Variants in SLC29A4 observed in about 807,000 individuals in gnomAD.
SLC29A4 encodes the protein solute carrier family 29 member 4.
SLC29A4 carries 36 observed loss-of-function variants against 43.9 expected under a neutral mutation model. The observed-to-expected ratio is 0.82, with a 90% CI of 0.63 to 1.08. The LOEUF is 1.08. Ranked by LOEUF, SLC29A4 falls within the 50% of genes least tolerant of loss-of-function variation. SLC29A4 has a pLI of 0.00. For synonymous variants in SLC29A4, 491 were observed against 338.0 expected (o/e 1.45, Z -4.97); for missense variants, 869 against 755.3 (o/e 1.15, Z -1.77).
chr7:5,300,135 G>C (rs1437492900), intron 9 of SLC29A4, among the ~76,000 whole-genome samples: 2 of 152,216 alleles, frequency 1.3e-5, no homozygotes, highest in Admixed American at 1.3e-4. Context: ...GGGAGGCTGA[G>C]GTGGGAGGAT....
chr7:5,299,164 A>G, intron 8 of SLC29A4, 38 bp downstream of exon 8: 1 of 1,600,282 alleles, frequency 6.2e-7, no homozygotes, highest in Non-Finnish European at 8.5e-7. Flanking sequence ...TGGCTCTGGC[A>G]CCCAGGCAGG....
Position 5,305,351 on chromosome 7 carries a change from A to G in SLC29A4, c.*2412A>G. ...GCCCTCCATGGGTTACCCTCTTTGC[A>G]AAGCCCCGAATGTCCTCTGCAGGCC... On this transcript the variant is annotated 3_prime_UTR_variant, in exon 11 of 11. Transcript: ENST00000396872. The G allele has an allele frequency of 6.6e-6, 1 of 152,248 alleles. No homozygotes were observed. The highest frequency in any genetic ancestry group is 1.5e-5 in the Non-Finnish European group (1 of 68,046). The allele number at this position is 152,248 out of a possible 1,614,324, so 9.4% of individuals were successfully genotyped here.
intron 1 of SLC29A4, among the ~76,000 whole-genome samples, chr7:5,284,930 G>A (rs1191097252): frequency 1.3e-5 from 2 of 152,190 alleles, no homozygotes; most frequent in African/African-American, 4.8e-5. Flanking sequence ...GCACGTCCAG[G>A]GAAGCATCTT....
At position 5,299,578 on chromosome 7, in the gene SLC29A4, C is replaced by T. The variant is rs74644210; in HGVS notation, c.1209+151C>T. Reference sequence around the variant, plus strand: ...AGCTGTGCAGTGGCGCCATCCTGGACAGTGTCCTCTGGAGGGCGGCCCTGG... The same window carrying T: ...AGCTGTGCAGTGGCGCCATCCTGGATAGTGTCCTCTGGAGGGCGGCCCTGG... On this transcript the variant is annotated intron_variant, in intron 9 of 10. Transcript: ENST00000396872. 1.3e-3 allele frequency: 1,228 copies of T among 923,774 alleles called. 8 individuals carry two copies. The African/African-American group carries it at 0.018, about 13-fold the overall frequency. 57.2% of individuals were successfully genotyped at this position (923,774 alleles called of 1,614,324 possible).
chr7:5,294,630 C>T (rs964285318), intron 5 of SLC29A4, among the ~76,000 whole-genome samples: 2 of 152,134 alleles, frequency 1.3e-5, no homozygotes, highest in Non-Finnish European at 2.9e-5. Context: ...CCAGTAGTGA[C>T]GTGTCATTTC....
chr7:5,294,529 CT>C, intron 5 of SLC29A4, among the ~76,000 whole-genome samples: 1 of 152,110 alleles, frequency 6.6e-6, no homozygotes, highest in Non-Finnish European at 1.5e-5. Context: ...GCAGACAGTC[CT>C]CTCCCCACCC....
intron 2 of SLC29A4, among the ~76,000 whole-genome samples, chr7:5,288,330 G>T (rs1363564443): frequency 9.1e-6 from 1 of 110,024 alleles, no homozygotes; most frequent in African/African-American, 3.7e-5. Context: ...TTTTGAGACG[G>T]AGTCTCACTC....
chr7:5,295,998 C>A (rs1326721308), intron 6 of SLC29A4, among the ~76,000 whole-genome samples: 1 of 152,056 alleles, frequency 6.6e-6, no homozygotes, highest in Non-Finnish European at 1.5e-5. Flanking sequence ...GGCGCATGGT[C>A]ACGCGAAGAA....
chr7:5,291,629 G>A (rs1482805279), intron 4 of SLC29A4, 64 bp from the exon 5 acceptor site: 31 of 1,513,806 alleles, frequency 2.0e-5, no homozygotes, highest in Admixed American at 5.6e-5. Flanking sequence ...CAGGAGGGGC[G>A]AGGAGGAGGG....
intron 4 of SLC29A4, 86 bp from the exon 5 acceptor site, chr7:5,291,605 TCA>T (rs1785314183): frequency 6.7e-7 from 1 of 1,494,338 alleles, no homozygotes; most frequent in South Asian, 1.3e-5. Context: ...AGAGAAAGCC[TCA>T]GAGCGACTCT....
chr7:5,291,089 C>G, intron 3 of SLC29A4, 35 bp from the exon 4 acceptor site: 1 of 1,607,128 alleles, frequency 6.2e-7, no homozygotes, highest in East Asian at 2.2e-5. Context: ...GGGGTGGGGC[C>G]TCCCTGAGCA....
rs764404059 is a variant in SLC29A4, at chr7:5,300,584, A to G, written c.1372A>G (p.Ile458Val). ...WPCIFSLLMGISNGYFGSVPM... is the reference protein window; with the variant it reads ...WPCIFSLLMGVSNGYFGSVPM... Reference sequence around the variant, plus strand: ...CTGCATCTTCTCACTGCTCATGGGCATCAGCAACGGCTACTTCGGCAGCGT... The same window carrying G: ...CTGCATCTTCTCACTGCTCATGGGCGTCAGCAACGGCTACTTCGGCAGCGT... The change falls in exon 10 of 11, where the codon ATC (isoleucine) becomes GTC (valine). Residue 458 changes from isoleucine (I) to valine (V), a missense_variant. Ile to Val is a conservative substitution (Grantham distance 29). Transcript: ENST00000396872. The G allele has an allele frequency of 6.8e-6, 11 of 1,611,794 alleles. No homozygotes were observed. The Admixed American group carries it at 8.3e-5, about 12-fold the overall frequency.
chr7:5,298,164 G>T (rs1785848672), intron 7 of SLC29A4, among the ~76,000 whole-genome samples: 1 of 152,182 alleles, frequency 6.6e-6, no homozygotes, highest in South Asian at 2.1e-4. Context: ...CCCTTGGCTG[G>T]GGACGCTGAA....
Position 5,287,876 on chromosome 7 carries a change from G to A in SLC29A4, c.60G>A (p.Pro20=), listed in dbSNP as rs375388445. Residue 20 remains proline (P), a synonymous_variant, in exon 2 of 11, where the codon CCG becomes CCA. Coordinates refer to ENST00000396872, the MANE Select transcript of SLC29A4 (RefSeq NM_153247.4). ...EEPSVAGTPD[P]GVVMSFTFDS... is the part of the protein sequence containing the mutation. ...CCAGCGTGGCAGGCACACCAGACCCGGGCGTAGTGATGAGCTTCACCTTCG... is the reference window on the plus strand; with the variant it reads ...CCAGCGTGGCAGGCACACCAGACCCAGGCGTAGTGATGAGCTTCACCTTCG... 32 of 1,611,858 alleles carry A rather than the reference G, an allele frequency of 2.0e-5. No homozygotes were observed. Among genetic ancestry groups the A allele is most frequent in the African/African-American group, 1.3e-4 (10 of 74,904 alleles).
At chr7:5,288,495 G>A (rs541047949) in intron 2 of SLC29A4, among the ~76,000 whole-genome samples, 52 of 151,728 alleles carry the variant, frequency 3.4e-4, no homozygotes, top group Non-Finnish European at 5.7e-4. Context: ...TAGTAGAGAC[G>A]GGGTTTCACC....
chr7:5,300,389 G>A lies in SLC29A4; in HGVS notation c.1210-33G>A, dbSNP rs191174724. ...TGTGAGGCGAGTGGGGCTGTGGCCG[G>A]GACAGGGCGCCCACTTGCCTGGCTC... On this transcript the variant is annotated intron_variant, in intron 9 of 10. Transcript: ENST00000396872. 1.3e-3 allele frequency: 2,030 copies of A among 1,609,640 alleles called. 30 individuals are homozygous for A. The African/African-American group carries it at 0.022, about 18-fold the overall frequency.
At chr7:5,293,162 C>CTT (rs58758343) in intron 5 of SLC29A4, among the ~76,000 whole-genome samples, 197 of 117,256 alleles carry the variant, frequency 1.7e-3, no homozygotes, top group Non-Finnish European at 2.1e-3. Flanking sequence ...TTTTTTTTCT[C>CTT]TTTTTTTTTT....
At chr7:5,288,052 G>A in intron 2 of SLC29A4, 67 bp downstream of exon 2, 1 of 1,507,030 alleles carries the variant, frequency 6.6e-7, no homozygotes, top group South Asian at 1.3e-5. Flanking sequence ...GACCCCCAGT[G>A]AAGCCTTGCG....
Position 5,303,175 on chromosome 7 carries a change from G to GT in SLC29A4, c.*239dup. On this transcript the variant is annotated 3_prime_UTR_variant, in exon 11 of 11. Coordinates refer to ENST00000396872, the MANE Select transcript of SLC29A4 (RefSeq NM_153247.4). ...GGCTCTGGCCAGCACTGTGTTCTGC[G>GT]TTTGGTCTCATACCTGCGTCTACCT... The GT allele has an allele frequency of 1.7e-6, 1 of 591,976 alleles. No individual in the cohort carries two copies. The highest frequency in any genetic ancestry group is 3.0e-6 in the Non-Finnish European group (1 of 336,306). The allele number at this position is 591,976 out of a possible 1,614,324, so 36.7% of individuals were successfully genotyped here. A position where few individuals can be genotyped will look rare whatever the true frequency, so the allele number is the denominator to read the frequency against.
Sources: allele counts gnomAD v4.1 joint callset (sites outside exome capture counted in the v4.1 genomes callset), GRCh38; gene constraint gnomAD v4.1.1; transcripts MANE v1.5; gene names NCBI Gene and HGNC (gene_info 2026-07-23, HGNC 2026-07-21).